STOX2: variants seen among roughly 807,000 people sequenced by gnomAD.
The protein encoded by STOX2 is storkhead-box protein 2.
Under a neutral mutation model 60.9 loss-of-function variants are expected in STOX2, and 28 were observed. The ratio of observed to expected loss-of-function variants is 0.46; its 90% CI spans 0.34 to 0.63. STOX2 has a LOEUF of 0.63. Among genes scored for constraint, STOX2 ranks in the 30% least tolerant of loss-of-function variants. The probability of loss-of-function intolerance (pLI) is 0.01; values close to 1 mark genes in which losing one functional copy is unlikely to be tolerated. For synonymous variants in STOX2, 472 were observed against 463.9 expected, an observed-to-expected ratio of 1.02 and a Z score of -0.22; for missense variants, 1,024 against 1,187.7, an observed-to-expected ratio of 0.86 and a Z score of 2.03.
chr4:183,880,151 G>A (rs1447198067), intron 1 of STOX2, among the ~76,000 whole-genome samples: 3 of 151,964 alleles, frequency 2.0e-5, no homozygotes, highest in African/African-American at 7.3e-5. Context: ...GCTAATTTTT[G>A]TATTTTTTTA....
intron 1 of STOX2, among the ~76,000 whole-genome samples, chr4:183,807,194 G>C (rs1019153920): frequency 6.6e-6 from 1 of 152,092 alleles, no homozygotes; most frequent in Non-Finnish European, 1.5e-5. Flanking sequence ...TGATGGTCTC[G>C]ATCTCCTGAC....
At chr4:183,953,078 A>T (rs1743139399) in intron 1 of STOX2, among the ~76,000 whole-genome samples, 1 of 152,080 alleles carries the variant, frequency 6.6e-6, no homozygotes, top group African/African-American at 2.4e-5. Flanking sequence ...TAGGAGAAAT[A>T]CCTAATGTAG....
chr4:183,962,304 T>C (rs1297200951), intron 1 of STOX2, among the ~76,000 whole-genome samples: 1 of 152,146 alleles, frequency 6.6e-6, no homozygotes, highest in East Asian at 1.9e-4. Context: ...AACTTTATTT[T>C]GTGTAACTAT....
chr4:183,949,463 G>A (rs1482468858), intron 1 of STOX2, among the ~76,000 whole-genome samples: 1 of 152,160 alleles, frequency 6.6e-6, no homozygotes, highest in Non-Finnish European at 1.5e-5. Context: ...ACTTAGGGAG[G>A]CCGAGGTGGG....
chr4:183,803,911 C>G (rs772039768), intron 1 of STOX2, among the ~76,000 whole-genome samples: 1 of 152,000 alleles, frequency 6.6e-6, no homozygotes, highest in Middle Eastern at 3.4e-3. Context: ...TGTAGTGAGC[C>G]GAGCTGAGAT....
intron 1 of STOX2, among the ~76,000 whole-genome samples, chr4:183,837,626 T>G (rs1289499203): frequency 1.3e-5 from 2 of 152,044 alleles, no homozygotes; most frequent in South Asian, 2.1e-4. Flanking sequence ...GCCTGGCTAA[T>G]TTTTGTATTT....
chr4:183,831,385 G>A (rs910615556), intron 1 of STOX2, among the ~76,000 whole-genome samples: 1 of 152,094 alleles, frequency 6.6e-6, no homozygotes, highest in Non-Finnish European at 1.5e-5. Context: ...CCAAATTGCA[G>A]CTCCAATCAG....
chr4:183,857,293 TCA>T (rs1178466752), intron 1 of STOX2, among the ~76,000 whole-genome samples: 2,498 of 109,480 alleles, frequency 0.023, 14 homozygotes, highest in East Asian at 0.036. Context: ...GCAGGACTGG[TCA>T]TTCCACAGGA....
At chr4:183,818,517 A>T (rs978543795) in intron 1 of STOX2, among the ~76,000 whole-genome samples, 6 of 152,202 alleles carry the variant, frequency 3.9e-5, no homozygotes, top group Non-Finnish European at 7.3e-5. Flanking sequence ...ACACAGCAAC[A>T]ATCTGATTTC....
intron 1 of STOX2, among the ~76,000 whole-genome samples, chr4:183,937,889 G>A (rs890249411): frequency 5.9e-5 from 9 of 152,218 alleles, no homozygotes; most frequent in African/African-American, 9.7e-5. Context: ...GCTCATGCCT[G>A]TAAATCCTAG....
intron 1 of STOX2, among the ~76,000 whole-genome samples, chr4:183,889,226 G>C (rs1192029318): frequency 6.6e-6 from 1 of 152,010 alleles, no homozygotes; most frequent in Non-Finnish European, 1.5e-5. Flanking sequence ...CATTAGTTAA[G>C]AGGAGGTTGT....
chr4:183,866,211 C>G (rs575692218), intron 1 of STOX2, among the ~76,000 whole-genome samples: 1 of 152,258 alleles, frequency 6.6e-6, no homozygotes, highest in African/African-American at 2.4e-5. Context: ...TGCCCCTTCT[C>G]TTATATCCAG....
intron 1 of STOX2, among the ~76,000 whole-genome samples, chr4:183,872,134 C>A (rs1740707185): frequency 6.6e-6 from 1 of 152,116 alleles, no homozygotes; most frequent in African/African-American, 2.4e-5. Context: ...TGGCTCACTG[C>A]AACCTCTGCC....
intron 1 of STOX2, among the ~76,000 whole-genome samples, chr4:183,923,760 G>A (rs1742164915): frequency 6.6e-6 from 1 of 152,160 alleles, no homozygotes; most frequent in African/African-American, 2.4e-5. Flanking sequence ...TTAGGGGTGA[G>A]CTGCAGAAAG....
chr4:183,807,034 G>C (rs1004620897), intron 1 of STOX2, among the ~76,000 whole-genome samples: 2 of 151,950 alleles, frequency 1.3e-5, no homozygotes, highest in Non-Finnish European at 2.9e-5. Flanking sequence ...GTGCAGTGGC[G>C]CGATCTCGGC....
chr4:184,023,448 T>C lies in STOX2; in HGVS notation c.*6164T>C, dbSNP rs947069012. ...CCTCCCTATGGTGATACTGTGTTCA[T>C]GTTGTTTATGTAGTGTTGTGTGAAA... On this transcript the variant is annotated 3_prime_UTR_variant, in exon 4 of 4. Transcript: ENST00000308497. 17 of 152,226 alleles carry C rather than the reference T, an allele frequency of 1.1e-4. No individual in the cohort carries two copies. Among genetic ancestry groups the C allele is most frequent in the Non-Finnish European group, 1.2e-4 (8 of 68,036 alleles). 9.4% of individuals were successfully genotyped at this position (152,226 alleles called of 1,614,324 possible).
At chr4:183,798,737 A>G (rs1579278380) in intron 1 of STOX2, 1 of 985,356 alleles carries the variant, frequency 1.0e-6, no homozygotes, top group East Asian at 1.1e-4. Flanking sequence ...AGAGAGCAAA[A>G]CGTAAAGAGG....
chr4:183,902,480 T>A (rs566634065), upstream of STOX2, among the ~76,000 whole-genome samples: 1 of 152,342 alleles, frequency 6.6e-6, no homozygotes, highest in African/African-American at 2.4e-5. Flanking sequence ...CTAACTTTCC[T>A]AATATTGAAT....
At chr4:184,006,285 T>C (rs1302766371) in intron 2 of STOX2, among the ~76,000 whole-genome samples, 1 of 152,216 alleles carries the variant, frequency 6.6e-6, no homozygotes, top group Non-Finnish European at 1.5e-5. Flanking sequence ...CATTGTTGAC[T>C]AAAAGTATGC....
Sources: gnomAD v4.1 joint callset for allele counts (sites outside exome capture counted in the v4.1 genomes callset) on GRCh38, gnomAD v4.1.1 for gene constraint, MANE v1.5 for transcripts, NCBI Gene and HGNC (gene_info 2026-07-23, HGNC 2026-07-21) for gene names.